The following ELN variants were observed in gnomAD, a reference collection of about 807,000 sequenced individuals.
ELN encodes tropoelastin.
In ELN, 65 loss-of-function variants were observed where a neutral mutation model predicts 105.8. The observed-to-expected ratio is 0.61, with a 90% CI of 0.50 to 0.75. The LOEUF is 0.75. Among genes scored for constraint, ELN ranks in the 30% least tolerant of loss-of-function variants. The probability of loss-of-function intolerance (pLI) is 0.00; values close to 1 mark genes in which losing one functional copy is unlikely to be tolerated. For synonymous variants in ELN, 368 were observed against 389.2 expected, an observed-to-expected ratio of 0.95 and a Z score of 0.64; for missense variants, 882 against 969.4, an observed-to-expected ratio of 0.91 and a Z score of 1.20.
At chr7:74,057,437 C>T in intron 21 of ELN, 3 of 1,532,870 alleles carry the variant, frequency 2.0e-6, no homozygotes, top group Non-Finnish European at 2.6e-6. Context: ...CAGGCGCAGT[C>T]CCAGGTGTGC....
Position 74,060,101 on chromosome 7 carries a change from C to T in ELN, c.1577-39C>T, listed in dbSNP as rs781962535. ...GGGCCCCCGAAGCCTCCATGGGCCC[C>T]GCCTCCATCTCTAATCCCCCTCTCT... On this transcript the variant is annotated intron_variant, in intron 23 of 32. Coordinates refer to ENST00000252034, the MANE Select transcript of ELN (RefSeq NM_000501.4). 49 of 1,614,014 alleles carry T rather than the reference C, an allele frequency of 3.0e-5. 1 individual carries two copies. Among genetic ancestry groups the T allele is most frequent in the South Asian group, 3.0e-4 (27 of 91,082 alleles).
Position 74,061,982 on chromosome 7 carries a change from C to T in ELN, c.1786+843C>T, listed in dbSNP as rs1215071958. Among the ~76,000 whole-genome samples, 5 of 152,350 alleles carry T rather than the reference C, an allele frequency of 3.3e-5. No homozygotes were observed. The East Asian group carries it at 5.8e-4, about 18-fold the overall frequency. On this transcript the variant is annotated intron_variant, in intron 26 of 32. Coordinates refer to ENST00000252034, the MANE Select transcript of ELN (RefSeq NM_000501.4). ...CATCTGGGCACCCCGGGCCCCCGCC[C>T]GCCTTCCTGTCCTGCCAGCAGGACC...
chr7:74,064,232 A>G (rs62476385), intron 29 of ELN, among the ~76,000 whole-genome samples: 17,459 of 150,654 alleles, frequency 0.12, 1,294 homozygotes, highest in Middle Eastern at 0.22. Context: ...TGGCTAACAC[A>G]GTGAAACCCC....
chr7:74,052,927 AAAG>A lies in ELN; in HGVS notation c.950-233_950-231del, dbSNP rs201159394. 1,962 of 584,120 alleles carry A rather than the reference AAAG, an allele frequency of 3.4e-3. 56 individuals carry two copies. In the Admixed American group the frequency reaches 0.05, roughly 15 times the overall value. The allele number at this position is 584,120 out of a possible 1,614,324, so 36.2% of individuals were successfully genotyped here. ...AAAGAGAAAGGAAGGAAAGAAAAGA[AAAG>A]AAAAAGAAAGAGATCACATTCCTCC... On this transcript the variant is annotated intron_variant, in intron 17 of 32. Transcript: ENST00000252034.
In ELN at chr7:74,042,525, C is replaced by T. The variant is rs1791465008; in HGVS notation, c.233-89C>T. On this transcript the variant is annotated intron_variant, in intron 5 of 32. Transcript: ENST00000252034. The stretch of plus-strand genomic sequence containing the variant: ...AGCGGAAGAGCCTCCAATGTGCTTC[C>T]TGAGTGGGGCACAGCCAGGCAGGGC... The T allele has an allele frequency of 3.4e-6, 4 of 1,191,376 alleles. No individual in the cohort carries two copies. In the East Asian group the frequency reaches 7.0e-5, roughly 21 times the overall value. The allele number at this position is 1,191,376 out of a possible 1,614,324, so 73.8% of individuals were successfully genotyped here.
chr7:74,030,733 T>A (rs1480739140), intron 1 of ELN, among the ~76,000 whole-genome samples: 1 of 151,972 alleles, frequency 6.6e-6, no homozygotes, highest in Non-Finnish European at 1.5e-5. Context: ...CGTCCTTAAG[T>A]AGGAACAGGG....
intron 4 of ELN, 45 bp downstream of exon 4, chr7:74,037,784 G>A (rs1790321986): frequency 3.7e-6 from 6 of 1,601,474 alleles, no homozygotes; most frequent in Non-Finnish European, 4.3e-6. Context: ...CGAGGGAGCT[G>A]GGGAGGGAGG....
chr7:74,041,374 C>T lies in ELN; in HGVS notation c.232+123C>T, dbSNP rs1791181349. Reference sequence around the variant, plus strand: ...GGCCAGGTTCCGTCCTGGGCACTGACGGGGACTGATGCTGATACCAACTGC... The same window carrying T: ...GGCCAGGTTCCGTCCTGGGCACTGATGGGGACTGATGCTGATACCAACTGC... On this transcript the variant is annotated intron_variant, in intron 5 of 32. Coordinates refer to ENST00000252034, the MANE Select transcript of ELN (RefSeq NM_000501.4). The T allele has an allele frequency of 8.7e-6, 11 of 1,261,434 alleles. 1 individual carries two copies. In the East Asian group the frequency reaches 2.3e-4, roughly 27 times the overall value. The allele number at this position is 1,261,434 out of a possible 1,614,324, so 78.1% of individuals were successfully genotyped here.
intron 8 of ELN, 49 bp from the exon 9 acceptor site, chr7:74,043,830 C>G (rs1791829067): frequency 6.2e-7 from 1 of 1,609,680 alleles, no homozygotes; most frequent in Non-Finnish European, 8.5e-7. Context: ...GGGGAGGGGT[C>G]CCTGGAGGCT....
chr7:74,051,617 C>A, intron 15 of ELN, 133 bp from the exon 16 acceptor site: 1 of 920,376 alleles, frequency 1.1e-6, no homozygotes, highest in South Asian at 1.6e-5. Context: ...CCCAGACAGG[C>A]CCATCTGGAG....
At chr7:74,028,960 C>T (rs56359340) in intron 1 of ELN, among the ~76,000 whole-genome samples, 1,903 of 152,098 alleles carry the variant, frequency 0.013, 36 homozygotes, top group African/African-American at 0.043. Flanking sequence ...TTCAGATGCC[C>T]GGCTGTGTCA....
chr7:74,031,026 G>A (rs979801475), intron 1 of ELN, among the ~76,000 whole-genome samples: 7 of 152,204 alleles, frequency 4.6e-5, no homozygotes, highest in South Asian at 2.1e-4. Flanking sequence ...AAACAGCTTC[G>A]TGTGGTCTTA....
In ELN at chr7:74,059,994, G is replaced by A. The variant is rs782398725; in HGVS notation, c.1523G>A (p.Gly508Asp). 1.2e-6 allele frequency: 2 copies of A among 1,613,950 alleles called. No homozygotes were observed. The highest frequency in any genetic ancestry group is 2.7e-5 in the African/African-American group (2 of 74,902). The change falls in exon 23 of 33, where the codon GGT becomes GAT. Residue 508 changes from glycine (G) to aspartate (D), a missense_variant. Physicochemically the swap from Gly to Asp is moderately conservative, Grantham distance 94 (BLOSUM62 -1). Transcript: ENST00000252034. ...GGAGTTGGCGTGGCTCCTGGAGTTGGTGTGGCTCCTGGCGTTGGCGTGGCT... is the reference window on the plus strand; with the variant it reads ...GGAGTTGGCGTGGCTCCTGGAGTTGATGTGGCTCCTGGCGTTGGCGTGGCT... Reference protein sequence around the residue: ...APGVGVAPGVGVAPGVGVAPG... With the variant: ...APGVGVAPGVDVAPGVGVAPG...
In ELN at chr7:74,045,270, C is replaced by T; in HGVS notation, c.518C>T (p.Ala173Val). ...VGVLPGVPTG[A>V]GVKPKAPGVG... ...GTGCTCCCTGGAGTTCCCACTGGAG[C>T]AGGAGTTAAGCCCAAGGCTCCAGGT... Residue 173 changes from alanine to valine, a missense_variant, in exon 10 of 33, where the codon GCA (alanine) becomes GTA (valine). By Grantham distance (64) the Ala-to-Val change is moderately conservative. Coordinates refer to ENST00000252034, the MANE Select transcript of ELN (RefSeq NM_000501.4). The T allele has an allele frequency of 6.2e-7, 1 of 1,614,170 alleles. No individual in the cohort carries two copies. The highest frequency in any genetic ancestry group is 8.5e-7 in the Non-Finnish European group (1 of 1,180,050).
intron 1 of ELN, among the ~76,000 whole-genome samples, chr7:74,028,812 C>T (rs1254162972): frequency 6.6e-6 from 1 of 152,184 alleles, no homozygotes. Context: ...GGTTGGGAAG[C>T]TGCTGCTGTG....
At chr7:74,035,343 A>T (rs1318921412) in intron 1 of ELN, 21 bp from the exon 2 acceptor site, 1 of 1,613,682 alleles carries the variant, frequency 6.2e-7, no homozygotes, top group East Asian at 2.2e-5. Context: ...TGGAGGACTG[A>T]CTCTACCTGT....
intron 8 of ELN, chr7:74,043,399 C>T: frequency 1.4e-6 from 1 of 730,166 alleles, no homozygotes; most frequent in Non-Finnish European, 2.4e-6. Context: ...GAGACGGGCT[C>T]TGTGGCAGGC....
At chr7:74,048,388 C>A in intron 14 of ELN, 115 bp from the exon 15 acceptor site, 2 of 1,541,322 alleles carry the variant, frequency 1.3e-6, no homozygotes, top group Middle Eastern at 1.7e-4. Context: ...TACTCTGAAG[C>A]TCCCATGTAT....
intron 19 of ELN, among the ~76,000 whole-genome samples, chr7:74,055,470 TTTTTTCTTTTTC>T (rs1393222392): frequency 6.6e-6 from 1 of 151,854 alleles, no homozygotes; most frequent in African/African-American, 2.4e-5. Context: ...ATTTTAATTT[TTTTTTCTTTTTC>T]TTTTTCTTTT....
Sources: allele counts gnomAD v4.1 joint callset (sites outside exome capture counted in the v4.1 genomes callset), GRCh38; gene constraint gnomAD v4.1.1; transcripts MANE v1.5; gene names NCBI Gene and HGNC (gene_info 2026-07-23, HGNC 2026-07-21).